ANK1: variants seen among roughly 807,000 people sequenced by gnomAD.
ANK1 encodes the protein ankyrin 1, also known as ankyrin-1.
In ANK1, 51 loss-of-function variants were observed where a neutral mutation model predicts 210.4. The ratio of observed to expected loss-of-function variants is 0.24; its 90% CI spans 0.19 to 0.31. The LOEUF (loss-of-function observed/expected upper bound fraction) is 0.31, where lower values mean the gene tolerates loss of function less well. Ranked by LOEUF, ANK1 falls within the 10% of genes least tolerant of loss-of-function variation. The pLI, the probability that ANK1 is intolerant of heterozygous loss-of-function variation, is 1.00. For missense variants in ANK1, 2,051 were observed against 2,504.4 expected, an observed-to-expected ratio of 0.82 and a Z score of 3.86; for synonymous variants, 967 against 1,025.9, an observed-to-expected ratio of 0.94 and a Z score of 1.10.
intron 2 of ANK1, among the ~76,000 whole-genome samples, chr8:41,745,891 T>G (rs1437205624): frequency 1.3e-5 from 2 of 152,106 alleles, no homozygotes; most frequent in Admixed American, 6.5e-5. Flanking sequence ...ATTTTTAAAT[T>G]ATTGATTTGT....
In ANK1 at chr8:41,761,205, TCACA is replaced by T. The variant is rs72324640; in HGVS notation, c.28-3072_28-3069del. Among the ~76,000 whole-genome samples, 738 of 149,496 alleles carry T rather than the reference TCACA, an allele frequency of 4.9e-3. 3 individuals carry two copies. The highest frequency in any genetic ancestry group is 0.013 in the African/African-American group (533 of 40,496). On this transcript the variant is annotated intron_variant, in intron 1 of 42. Coordinates refer to ENST00000289734, the MANE Select transcript of ANK1 (RefSeq NM_000037.4). ...CAGATGCATGCGCACACACACAGAT[TCACA>T]CACACACACACAGATGTGTGCACAC... is the stretch of plus-strand genomic sequence containing the variant.
chr8:41,675,529 C>G (rs951867344), intron 37 of ANK1, among the ~76,000 whole-genome samples: 2 of 152,198 alleles, frequency 1.3e-5, no homozygotes, highest in African/African-American at 4.8e-5. Flanking sequence ...GAAGGCCATA[C>G]AGCTAGTAAG....
In ANK1 at chr8:41,696,461, G is replaced by T; in HGVS notation, c.2862C>A (p.Val954=). The change falls in exon 26 of 43, where the codon GTC becomes GTA. Residue 954 remains valine, a synonymous_variant. Coordinates refer to ENST00000289734, the MANE Select transcript of ANK1 (RefSeq NM_000037.4). ...GCGGCGTGCTGAGCTTCTGGGGCTT[G>T]ACCAGGCGGCAGGTGATGCGGGTGG... ...AAPTRITCRL[V]KPQKLSTPPP... 1.2e-6 allele frequency: 2 copies of T among 1,613,350 alleles called. No homozygotes were observed. The highest frequency in any genetic ancestry group is 1.7e-6 in the Non-Finnish European group (2 of 1,179,934).
intron 1 of ANK1, among the ~76,000 whole-genome samples, chr8:41,888,957 T>C (rs773502218): frequency 4.6e-5 from 7 of 152,220 alleles, no homozygotes; most frequent in Non-Finnish European, 1.0e-4. Context: ...TCTGGCAGCT[T>C]TCCCACTAAT....
chr8:41,835,909 C>G (rs1295952054), intron 1 of ANK1, among the ~76,000 whole-genome samples: 1 of 152,210 alleles, frequency 6.6e-6, no homozygotes, highest in African/African-American at 2.4e-5. Context: ...GACCCTCATG[C>G]CCAGCACAAG....
At chr8:41,733,104 A>G (rs1270289387) in intron 3 of ANK1, among the ~76,000 whole-genome samples, 1 of 152,228 alleles carries the variant, frequency 6.6e-6, no homozygotes, top group Non-Finnish European at 1.5e-5. Context: ...TCAGGTAAAA[A>G]ATGAAACTTA....
At position 41,704,143 on chromosome 8, in the gene ANK1, C is replaced by T. The variant is rs1823885300; in HGVS notation, c.2197-4G>A. 1 of 1,613,482 alleles carries T rather than the reference C, an allele frequency of 6.2e-7. No individual in the cohort carries two copies. Among genetic ancestry groups the T allele is most frequent in the South Asian group, 1.1e-5 (1 of 91,078 alleles). ...GGTGCAGGGGGCTGTATCCTAGCTG[C>T]AAAGTGAGCAGACATTTAGGCAGGG... On this transcript the variant is annotated splice_polypyrimidine_tract_variant and splice_region_variant and intron_variant, in intron 19 of 42. Transcript: ENST00000289734. This position sits in a 1 kb window ranked among gnomAD's most constrained non-coding sequence, Gnocchi z 4.1.
intron 2 of ANK1, among the ~76,000 whole-genome samples, chr8:41,746,912 G>A (rs1836322241): frequency 6.6e-6 from 1 of 151,680 alleles, no homozygotes; most frequent in African/African-American, 2.4e-5. Flanking sequence ...GAAGGGCAGT[G>A]GGGTCAGGAG....
chr8:41,671,318 G>C (rs1812207092), intron 38 of ANK1, among the ~76,000 whole-genome samples: 1 of 152,152 alleles, frequency 6.6e-6, no homozygotes, highest in African/African-American at 2.4e-5. Flanking sequence ...TCACATGCAG[G>C]CTGTGTGACT....
chr8:41,712,764 C>T (rs1826502166), intron 16 of ANK1, among the ~76,000 whole-genome samples: 1 of 152,150 alleles, frequency 6.6e-6, no homozygotes, highest in South Asian at 2.1e-4. Flanking sequence ...TATTTTTTGC[C>T]ATGGAAACAA....
intron 1 of ANK1, among the ~76,000 whole-genome samples, chr8:41,784,059 A>G (rs201976802): frequency 4.0e-5 from 1 of 24,760 alleles, no homozygotes; most frequent in East Asian, 4.3e-4. Flanking sequence ...CCCTATCTCA[A>G]AAAAAAAAAA....
At chr8:41,757,798 C>T (rs1229047674) in intron 2 of ANK1, among the ~76,000 whole-genome samples, 3 of 152,210 alleles carry the variant, frequency 2.0e-5, no homozygotes, top group Non-Finnish European at 4.4e-5. Flanking sequence ...GCGAGGAGAC[C>T]GCAGGGGATC....
intron 37 of ANK1, among the ~76,000 whole-genome samples, chr8:41,678,442 C>T (rs1466353974): frequency 6.6e-6 from 1 of 152,168 alleles, no homozygotes; most frequent in Admixed American, 6.5e-5. Flanking sequence ...GTGCCCAGCC[C>T]CAAATTTCTT....
At chr8:41,695,457 C>T (rs1014905530) in intron 26 of ANK1, 126 bp from the exon 27 acceptor site, 6 of 1,347,998 alleles carry the variant, frequency 4.5e-6, no homozygotes, top group African/African-American at 4.3e-5. Context: ...GGAGGCCCCA[C>T]CTGCAGGCAG....
chr8:41,716,359 C>G (rs1335889473), intron 13 of ANK1, among the ~76,000 whole-genome samples: 1 of 152,066 alleles, frequency 6.6e-6, no homozygotes, highest in Non-Finnish European at 1.5e-5. Flanking sequence ...CCACACCCCC[C>G]CACTTCCTGT....
chr8:41,743,323 G>C (rs892174462), intron 2 of ANK1, among the ~76,000 whole-genome samples: 26 of 152,152 alleles, frequency 1.7e-4, no homozygotes. Flanking sequence ...TGATGGGAAG[G>C]GAAGGAGCGA....
At chr8:41,814,282 C>T (rs1361609503) in intron 1 of ANK1, among the ~76,000 whole-genome samples, 1 of 151,610 alleles carries the variant, frequency 6.6e-6, no homozygotes, top group Non-Finnish European at 1.5e-5. Context: ...ATGGCGTGAA[C>T]CCAGGAGGCG....
chr8:41,883,439 C>CATGT (rs1817937271), intron 1 of ANK1, among the ~76,000 whole-genome samples: 1 of 138,176 alleles, frequency 7.2e-6, no homozygotes, highest in Admixed American at 7.1e-5. Flanking sequence ...AGAAGGATCT[C>CATGT]ATGTTTGTTT....
At chr8:41,797,649 C>T (rs1849031754), upstream of ANK1, 3 of 1,506,200 alleles carry the variant, frequency 2.0e-6, no homozygotes, top group Admixed American at 2.2e-5. This position sits in a 1 kb window ranked among gnomAD's most constrained non-coding sequence, Gnocchi z 4.0. Context: ...GCGGGCCAGG[C>T]CCCCGAGGGC....
Sources: allele counts gnomAD v4.1 joint callset (sites outside exome capture counted in the v4.1 genomes callset), GRCh38; gene constraint gnomAD v4.1.1; non-coding constraint Gnocchi (gnomAD v3.1); transcripts MANE v1.5; gene names NCBI Gene and HGNC (gene_info 2026-07-23, HGNC 2026-07-21).